TOP3B: variants seen among roughly 807,000 people sequenced by gnomAD.
TOP3B encodes the protein DNA topoisomerase 3-beta-1.
Under a neutral mutation model 93.9 loss-of-function variants are expected in TOP3B, and 45 were observed. The ratio of observed to expected loss-of-function variants is 0.48; its 90% confidence interval spans 0.38 to 0.61. The LOEUF is 0.61. Ranked by LOEUF, TOP3B falls within the 20% of genes least tolerant of loss-of-function variation. The pLI is 0.00. For synonymous variants in TOP3B, 357 were observed against 472.6 expected (o/e 0.76, Z 3.17); for missense variants, 750 against 1,156.1 (o/e 0.65, Z 5.09).
intron 16 of TOP3B, 42 bp downstream of exon 16, chr22:21,959,090 G>A (rs2071052678): frequency 6.2e-7 from 1 of 1,609,262 alleles, no homozygotes; most frequent in African/African-American, 1.3e-5. Flanking sequence ...GAGGCCTACA[G>A]GGGTGAGGCA....
chr22:21,975,549 C>G (rs377565395), intron 2 of TOP3B, 91 bp downstream of exon 2: 65 of 1,402,518 alleles, frequency 4.6e-5, no homozygotes, highest in African/African-American at 3.3e-4. Context: ...CCAAATCTAC[C>G]CCAGCCAGGG....
chr22:21,962,384 T>C (rs756924165), intron 13 of TOP3B, 45 bp downstream of exon 13: 4 of 1,610,660 alleles, frequency 2.5e-6, no homozygotes, highest in Non-Finnish European at 3.4e-6. Flanking sequence ...GAAGCCTGAG[T>C]ACTGGAGACG....
At chr22:21,966,651 T>C (rs1367655531) in intron 8 of TOP3B, 3 of 152,282 alleles carry the variant, frequency 2.0e-5, no homozygotes, top group African/African-American at 7.2e-5. Flanking sequence ...TGCTGAACAC[T>C]TGTCGGAAGA....
At chr22:21,959,759 T>C in intron 14 of TOP3B, 23 bp from the exon 15 acceptor site, 8 of 1,609,122 alleles carry the variant, frequency 5.0e-6, no homozygotes, top group Non-Finnish European at 6.8e-6. Context: ...AGGGGGCAGA[T>C]ATTGCCCTGA....
chr22:21,964,348 G>T, intron 9 of TOP3B, 33 bp from the exon 10 acceptor site: 1 of 1,609,824 alleles, frequency 6.2e-7, no homozygotes, highest in Non-Finnish European at 8.5e-7. Flanking sequence ...AGAGGGCCAG[G>T]TACGTGGGGA....
chr22:21,965,438 G>T, intron 8 of TOP3B, 63 bp from the exon 9 acceptor site: 2 of 1,100,036 alleles, frequency 1.8e-6, no homozygotes, highest in Non-Finnish European at 2.6e-6. Context: ...AGGGAATCAA[G>T]ATGTGTGGAC....
chr22:21,959,468 G>A lies in TOP3B; in HGVS notation c.1804+119C>T, dbSNP rs112465174. The A allele has an allele frequency of 1.9e-4, 290 of 1,513,494 alleles. 1 individual carries two copies. The African/African-American group carries it at 3.4e-3, about 18-fold the overall frequency. The allele number at this position is 1,513,494 out of a possible 1,614,324, so 93.8% of individuals were successfully genotyped here. A position where few individuals can be genotyped will look rare whatever the true frequency, so the allele number is the denominator to read the frequency against. Reference sequence around the variant, plus strand: ...AGGAGGTGTCACTGACCTGGCCTACGGAGGCCTGAAGCCCAGATCTGGGAG... The same window carrying A: ...AGGAGGTGTCACTGACCTGGCCTACAGAGGCCTGAAGCCCAGATCTGGGAG... On this transcript the variant is annotated intron_variant, in intron 15 of 17. Coordinates refer to ENST00000357179, the MANE Select transcript of TOP3B (RefSeq NM_001282112.2).
At position 21,962,858 on chromosome 22, in the gene TOP3B, T is replaced by G. The variant is rs779077520; in HGVS notation, c.1240A>C (p.Arg414=). ...DAWRLYEYIT[R]HFIATVSHDC... ...TGGCTGACCGTGGCGATGAAGTGTCTGGTGATGTACTCATAGAGCCGCCAC... is the reference window on the plus strand; with the variant it reads ...TGGCTGACCGTGGCGATGAAGTGTCGGGTGATGTACTCATAGAGCCGCCAC... Residue 414 remains arginine (R), a synonymous_variant, in exon 12 of 18, where the codon AGA becomes CGA. Transcript: ENST00000357179. 6.2e-7 allele frequency: 1 copy of G among 1,613,986 alleles called. No homozygotes were observed. Among genetic ancestry groups the G allele is most frequent in the East Asian group, 2.2e-5 (1 of 44,878 alleles).
At chr22:21,967,202 TC>T (rs1245295318) in intron 8 of TOP3B, 6 of 180,142 alleles carry the variant, frequency 3.3e-5, no homozygotes, top group Admixed American at 3.3e-4. Flanking sequence ...CTCAAGACTT[TC>T]CCCTGCTAGC....
rs772154327 is a variant in TOP3B at position 21,971,878 on chromosome 22, T to G, written c.383A>C (p.Glu128Ala). 9.9e-6 allele frequency: 16 copies of G among 1,613,894 alleles called. No individual in the cohort carries two copies. Among genetic ancestry groups the G allele is most frequent in the African/African-American group, 1.3e-5 (1 of 74,898 alleles). ...CDKEGENICFEVLDAVLPVMN... is the reference protein window; with the variant it reads ...CDKEGENICFAVLDAVLPVMN... ...GAACAAAGTGAGCCTCACACTCACC[T>G]CAAAGCAGATGTTCTCCCCCTCCTT... Residue 128 changes from glutamate (E) to alanine (A), a missense_variant and splice_region_variant, in exon 5 of 18, where the codon GAG (glutamate) becomes GCG (alanine). Around this residue, in one of 4 missense-constraint regions of TOP3B, gnomAD observed 737 missense variants for 933.7 expected, o/e 0.79. Coordinates refer to ENST00000357179, the MANE Select transcript of TOP3B (RefSeq NM_001282112.2). The surrounding 1 kb of genome is among the most constrained non-coding windows in gnomAD (Gnocchi z 4.6).
At position 21,963,651 on chromosome 22, in the gene TOP3B, C is replaced by T; in HGVS notation, c.1204+272G>A. The T allele has an allele frequency of 4.2e-6, 2 of 474,784 alleles. No homozygotes were observed. Among genetic ancestry groups the T allele is most frequent in the Non-Finnish European group, 3.8e-6 (1 of 264,010 alleles). 29.4% of individuals were successfully genotyped at this position (474,784 alleles called of 1,614,324 possible). A position where few individuals can be genotyped will look rare whatever the true frequency, so the allele number is the denominator to read the frequency against. ...GAGGTAGGAGGTGTGCTGCCCCCTC[C>T]CCCACACCGCCACTCTCTACCCTGG... On this transcript the variant is annotated intron_variant, in intron 11 of 17. Transcript: ENST00000357179. This position sits in a 1 kb window ranked among gnomAD's most constrained non-coding sequence, Gnocchi z 4.8.
At chr22:21,977,356 C>G (rs2071915125) in intron 1 of TOP3B, 1 of 151,886 alleles carries the variant, frequency 6.6e-6, no homozygotes, top group Non-Finnish European at 1.5e-5. Flanking sequence ...TGGCAAAACC[C>G]CATCTCTAAT....
intron 7 of TOP3B, 186 bp from the exon 8 acceptor site, chr22:21,967,902 A>G (rs9607461): frequency 0.11 from 64,049 of 571,274 alleles, 3,887 homozygotes; most frequent in African/African-American, 0.14. Context: ...CCTCTCCACC[A>G]CTTGCCCCAA....
chr22:21,976,008 C>T (rs1169793819), intron 1 of TOP3B: 1 of 225,970 alleles, frequency 4.4e-6, no homozygotes, highest in Admixed American at 5.6e-5. Context: ...CTGAGATGAT[C>T]CTGGGAATGT....
Position 21,962,827 on chromosome 22 carries a change from C to T in TOP3B, c.1271G>A (p.Cys424Tyr), listed in dbSNP as rs1397083752. Residue 424 changes from cysteine to tyrosine, a missense_variant, in exon 12 of 18, where the codon TGC (cysteine) becomes TAC (tyrosine). Cys to Tyr is a radical substitution (Grantham distance 194). This residue lies in a region of TOP3B where 737 missense variants were observed against 933.7 expected (regional missense o/e 0.79). Coordinates refer to ENST00000357179, the MANE Select transcript of TOP3B (RefSeq NM_001282112.2). ...GGAGATGGTGCTCTGCAGGTACTTG[C>T]AGTCATGGCTGACCGTGGCGATGAA... ...RHFIATVSHD[C>Y]KYLQSTISFR... is the part of the protein sequence containing the mutation. 2 of 1,614,012 alleles carry T rather than the reference C, an allele frequency of 1.2e-6. No homozygotes were observed. Among genetic ancestry groups the T allele is most frequent in the Non-Finnish European group, 1.7e-6 (2 of 1,180,044 alleles).
At chr22:21,959,844 G>T in intron 14 of TOP3B, 108 bp from the exon 15 acceptor site, 3 of 1,469,238 alleles carry the variant, frequency 2.0e-6, no homozygotes, top group Non-Finnish European at 2.7e-6. Flanking sequence ...GCTCTGGCCC[G>T]TCCTCCTGGC....
Position 21,971,951 on chromosome 22 carries a change from C to T in TOP3B, c.310G>A (p.Val104Met). The T allele has an allele frequency of 6.2e-7, 1 of 1,612,630 alleles. No homozygotes were observed. Among genetic ancestry groups the T allele is most frequent in the Non-Finnish European group, 8.5e-7 (1 of 1,179,654 alleles). Residue 104 changes from valine (V) to methionine (M), a missense_variant and splice_region_variant, in exon 5 of 18, where the codon GTG becomes ATG. This residue lies in a region of TOP3B where 737 missense variants were observed against 933.7 expected (regional missense o/e 0.79). Coordinates refer to ENST00000357179, the MANE Select transcript of TOP3B (RefSeq NM_001282112.2). The surrounding 1 kb of genome is among the most constrained non-coding windows in gnomAD (Gnocchi z 4.6). ...PKLNMVKFLQ[V>M]EGRGCDYIVL... is the part of the protein sequence containing the mutation. ...ATGTAGTCGCAGCCTCTGCCCTCCA[C>T]CTGCCACACAGCACAGGTTCACACG...
Position 21,970,313 on chromosome 22 carries a change from T to C in TOP3B, c.478A>G (p.Ile160Val). ...CCTAGGCAGGCCATGGCATTACAGA[T>C]GTCTGTGTCCGTGATGGAGCTAAAC... Reference protein sequence around the residue: ...ARFSSITDTDICNAMACLGEP... With the variant: ...ARFSSITDTDVCNAMACLGEP... Residue 160 changes from isoleucine (I) to valine (V), a missense_variant, in exon 6 of 18, where the codon ATC (isoleucine) becomes GTC (valine). Physicochemically the swap from Ile to Val is conservative, Grantham distance 29. Coordinates refer to ENST00000357179, the MANE Select transcript of TOP3B (RefSeq NM_001282112.2). The surrounding 1 kb of genome is among the most constrained non-coding windows in gnomAD (Gnocchi z 4.4). 1 of 1,614,104 alleles carries C rather than the reference T, an allele frequency of 6.2e-7. No homozygotes were observed. Among genetic ancestry groups the C allele is most frequent in the South Asian group, 1.1e-5 (1 of 91,076 alleles).
chr22:21,979,153 G>A (rs1219006917), intron 1 of TOP3B, among the ~76,000 whole-genome samples: 1 of 152,060 alleles, frequency 6.6e-6, no homozygotes, highest in Non-Finnish European at 1.5e-5. Flanking sequence ...GAGTAGGAGG[G>A]AGAGGGAGTG....
Sources: gnomAD v4.1 joint callset for allele counts (sites outside exome capture counted in the v4.1 genomes callset) on GRCh38, gnomAD v4.1.1 for gene constraint, gnomAD v4.1.1 regional missense constraint, Gnocchi (gnomAD v3.1) non-coding constraint, MANE v1.5 for transcripts, NCBI Gene and HGNC (gene_info 2026-07-23, HGNC 2026-07-21) for gene names.